The following ATG10 variants were observed in gnomAD, a reference collection of about 807,000 sequenced individuals.
ATG10 encodes the protein autophagy related 10.
A neutral mutation model predicts 32.1 loss-of-function variants in ATG10; 30 were observed. That is an observed-to-expected ratio of 0.94 (90% CI 0.70 to 1.27). The LOEUF (loss-of-function observed/expected upper bound fraction) is 1.27. ATG10 is among the 50% of genes most tolerant of loss of function. ATG10 has a pLI of 0.00. For synonymous variants in ATG10, 87 were observed against 91.5 expected (o/e 0.95, Z 0.28); for missense variants, 233 against 262.3 (o/e 0.89, Z 0.77).
rs144075846 is a variant in ATG10, at chr5:82,196,248, A to G, written c.453+17661A>G. 5.3e-5 allele frequency among the ~76,000 whole-genome samples: 8 copies of G among 152,088 alleles called. No homozygotes were observed. In the East Asian group the frequency reaches 1.5e-3, roughly 29 times the overall value. ...TAAAATTAGTTTTTTTTCATTGTCG[A>G]GTGATGAGAGTTTTAAAGTATATTT... On this transcript the variant is annotated intron_variant, in intron 5 of 7. Coordinates refer to ENST00000282185, the MANE Select transcript of ATG10 (RefSeq NM_031482.5).
intron 3 of ATG10, among the ~76,000 whole-genome samples, chr5:82,124,991 ATGAGATGGTATCTCATTGTGAT>A (rs1469533132): frequency 6.6e-6 from 1 of 152,130 alleles, no homozygotes; most frequent in East Asian, 1.9e-4. Context: ...TCTAACTGGC[ATGAGATGGTATCTCATTGTGAT>A]TTTGATTTGC....
At chr5:82,140,581 C>CA (rs1201912917) in intron 3 of ATG10, among the ~76,000 whole-genome samples, 17 of 15,020 alleles carry the variant, frequency 1.1e-3, no homozygotes, top group South Asian at 5.2e-3. Context: ...CCAGCCGCCC[C>CA]TCCGGGAGGG....
intron 5 of ATG10, among the ~76,000 whole-genome samples, chr5:82,186,760 T>C (rs534213194): frequency 2.0e-5 from 3 of 152,264 alleles, no homozygotes; most frequent in East Asian, 3.9e-4. Context: ...GCGTGTATTT[T>C]TAGTAGAGAA....
intron 2 of ATG10, among the ~76,000 whole-genome samples, chr5:82,043,283 G>C (rs1314124123): frequency 2.0e-5 from 3 of 152,318 alleles, no homozygotes; most frequent in Admixed American, 2.0e-4. Flanking sequence ...GCCACAGCTG[G>C]AGCAGCTGGG....
At chr5:81,997,895 A>C (rs1714791487) in intron 2 of ATG10, among the ~76,000 whole-genome samples, 1 of 152,276 alleles carries the variant, frequency 6.6e-6, no homozygotes, top group South Asian at 2.1e-4. Context: ...TTATGTAAAG[A>C]GATCACCCCT....
At chr5:82,039,772 A>C (rs1269146072) in intron 2 of ATG10, among the ~76,000 whole-genome samples, 1 of 152,240 alleles carries the variant, frequency 6.6e-6, no homozygotes, top group Non-Finnish European at 1.5e-5. Context: ...AAACTATCCC[A>C]AAACTAGCCT....
intron 3 of ATG10, among the ~76,000 whole-genome samples, chr5:82,070,226 A>T (rs1764084035): frequency 6.6e-6 from 1 of 152,186 alleles, no homozygotes; most frequent in Non-Finnish European, 1.5e-5. Flanking sequence ...TGGTCAGTGA[A>T]TGGGAGGGTA....
At chr5:82,048,111 G>A (rs1224556078) in intron 2 of ATG10, among the ~76,000 whole-genome samples, 3 of 137,382 alleles carry the variant, frequency 2.2e-5, no homozygotes, top group Non-Finnish European at 4.7e-5. Context: ...TGCTGTTTTG[G>A]TTACTGTAGC....
At chr5:82,251,485 A>G (rs960069381) in intron 5 of ATG10, among the ~76,000 whole-genome samples, 3 of 152,172 alleles carry the variant, frequency 2.0e-5, no homozygotes, top group Non-Finnish European at 4.4e-5. Flanking sequence ...AGTTTCACAA[A>G]TAGGGAGGTC....
chr5:82,219,519 C>T (rs1745833163), intron 5 of ATG10, among the ~76,000 whole-genome samples: 1 of 152,128 alleles, frequency 6.6e-6, no homozygotes, highest in Non-Finnish European at 1.5e-5. Context: ...CTCATATTAG[C>T]CTTGTCTTTG....
chr5:82,223,926 A>T (rs1377680978), intron 5 of ATG10, among the ~76,000 whole-genome samples: 5 of 152,178 alleles, frequency 3.3e-5, no homozygotes. Context: ...CCCAGAGGTG[A>T]GGAAACACTA....
intron 3 of ATG10, among the ~76,000 whole-genome samples, chr5:82,145,071 GTCTGTTTTA>G (rs1189196256): frequency 6.6e-6 from 1 of 151,650 alleles, no homozygotes; most frequent in African/African-American, 2.4e-5. Context: ...CTTAATCTTA[GTCTGTTTTA>G]TCTGATATTA....
chr5:82,118,298 TTGTG>T lies in ATG10; in HGVS notation c.217-46085_217-46082del, dbSNP rs375478173. ...ACCCCACAAGAGCAGAGTGTCTTTC[TTGTG>T]TGTGTGTGTGTGTGTATATATATAT... On this transcript the variant is annotated intron_variant, in intron 3 of 7. Coordinates refer to ENST00000282185, the MANE Select transcript of ATG10 (RefSeq NM_031482.5). 2.9e-4 allele frequency among the ~76,000 whole-genome samples: 41 copies of T among 140,478 alleles called. 2 individuals carry two copies. Among genetic ancestry groups the T allele is most frequent in the Non-Finnish European group, 1.5e-4 (10 of 64,876 alleles). 92.2% of individuals were successfully genotyped at this position (140,478 alleles called of 152,430 possible). A position where few individuals can be genotyped will look rare whatever the true frequency, so the allele number is the denominator to read the frequency against.
chr5:82,111,646 A>C (rs1355982311), intron 3 of ATG10, among the ~76,000 whole-genome samples: 2 of 152,012 alleles, frequency 1.3e-5, no homozygotes, highest in African/African-American at 4.8e-5. Flanking sequence ...TGTGCCCCAG[A>C]ATAAAATCCT....
At chr5:82,035,447 G>C (rs56042899) in intron 2 of ATG10, among the ~76,000 whole-genome samples, 10,752 of 152,138 alleles carry the variant, frequency 0.071, 544 homozygotes, top group Non-Finnish European at 0.11. Context: ...AAATTGGAGA[G>C]CATTTCCCTC....
chr5:82,005,084 T>C (rs1443762307), intron 2 of ATG10, among the ~76,000 whole-genome samples: 2 of 152,270 alleles, frequency 1.3e-5, no homozygotes, highest in Non-Finnish European at 2.9e-5. Flanking sequence ...CCAAGGAGTA[T>C]AGCTAAATAA....
chr5:82,160,100 G>A (rs931160543), intron 3 of ATG10, among the ~76,000 whole-genome samples: 1 of 152,016 alleles, frequency 6.6e-6, no homozygotes, highest in African/African-American at 2.4e-5. Flanking sequence ...ACATGTGTAG[G>A]CTTACATATC....
intron 3 of ATG10, among the ~76,000 whole-genome samples, chr5:82,101,717 C>A (rs1765279905): frequency 6.6e-6 from 1 of 152,130 alleles, no homozygotes; most frequent in Non-Finnish European, 1.5e-5. Context: ...GTTGAACATT[C>A]AAAAGCAGCT....
chr5:82,028,456 A>G (rs1046094841), intron 2 of ATG10, among the ~76,000 whole-genome samples: 1 of 152,344 alleles, frequency 6.6e-6, no homozygotes, highest in East Asian at 1.9e-4. Context: ...AAAAAAAGGC[A>G]TAATGGCTTC....
Sources: gnomAD v4.1 joint callset for allele counts (sites outside exome capture counted in the v4.1 genomes callset) on GRCh38, gnomAD v4.1.1 for gene constraint, MANE v1.5 for transcripts, NCBI Gene and HGNC (gene_info 2026-07-23, HGNC 2026-07-21) for gene names.